The following KIF5A variants were observed in gnomAD, a reference collection of about 807,000 sequenced individuals.
KIF5A encodes kinesin heavy chain isoform 5A.
KIF5A carries 35 observed loss-of-function variants against 141.3 expected under a neutral mutation model. The ratio of observed to expected loss-of-function variants is 0.25; its 90% confidence interval spans 0.19 to 0.33. The LOEUF (loss-of-function observed/expected upper bound fraction) is 0.33, where lower values mean the gene tolerates loss of function less well. Ranked by LOEUF, KIF5A falls within the 10% of genes least tolerant of loss-of-function variation. KIF5A has a pLI of 1.00. For synonymous variants in KIF5A, 448 were observed against 500.2 expected, an observed-to-expected ratio of 0.90 and a Z score of 1.39; for missense variants, 861 against 1,314.3, an observed-to-expected ratio of 0.66 and a Z score of 5.33.
chr12:57,568,683 C>T (rs558970993), intron 8 of KIF5A, among the ~76,000 whole-genome samples: 45 of 151,926 alleles, frequency 3.0e-4, no homozygotes, highest in Non-Finnish European at 5.6e-4. Context: ...TGAGATCGCA[C>T]CATTGCACTC....
intron 23 of KIF5A, 100 bp from the exon 24 acceptor site, chr12:57,580,856 T>C: frequency 9.2e-7 from 1 of 1,086,582 alleles, no homozygotes; most frequent in Non-Finnish European, 1.4e-6. Context: ...CTGATTTTTC[T>C]TTATTCTCTC....
rs752522963 is a variant in KIF5A, at chr12:57,570,010, C to T, written c.1141C>T (p.Arg381Cys). ...AGGAGAGAATGTGCCTGAGACAGAG[C>T]GCCTGGCTGGGGAGGAGGCAGCCCT... ...RNGENVPETE[R>C]LAGEEAALGA... The change falls in exon 12 of 29, where the codon CGC becomes TGC. Residue 381 changes from arginine to cysteine, a missense_variant. By Grantham distance (180) the Arg-to-Cys change is radical. Transcript: ENST00000455537. 9.9e-6 allele frequency: 16 copies of T among 1,613,428 alleles called. No homozygotes were observed. The highest frequency in any genetic ancestry group is 2.2e-5 in the South Asian group (2 of 91,058).
intron 23 of KIF5A, among the ~76,000 whole-genome samples, chr12:57,578,601 G>A (rs904066642): frequency 1.1e-4 from 17 of 152,182 alleles, no homozygotes; most frequent in African/African-American, 4.1e-4. Context: ...ACCTTGGAGG[G>A]AGAGGTTGAA....
At chr12:57,555,106 C>T (rs924551022) in intron 1 of KIF5A, among the ~76,000 whole-genome samples, 6 of 152,126 alleles carry the variant, frequency 3.9e-5, no homozygotes, top group Non-Finnish European at 7.4e-5. Flanking sequence ...GAGTGGCCTG[C>T]GCAGAGGCAG....
intron 4 of KIF5A, 69 bp downstream of exon 4, chr12:57,564,281 G>GA: frequency 8.1e-7 from 1 of 1,232,166 alleles, no homozygotes; most frequent in Non-Finnish European, 1.2e-6. Context: ...TCTTCCCACT[G>GA]AAGAGCCTGG....
chr12:57,582,620 A>T lies in KIF5A; in HGVS notation c.3011A>T (p.Asn1004Ile). The T allele has an allele frequency of 6.2e-7, 1 of 1,611,214 alleles. No individual in the cohort carries two copies. The highest frequency in any genetic ancestry group is 8.5e-7 in the Non-Finnish European group (1 of 1,177,350). Residue 1004 changes from asparagine to isoleucine, a missense_variant, in exon 27 of 29, where the codon AAT becomes ATT. Asn to Ile is a moderately radical substitution (Grantham distance 149, BLOSUM62 -3). Coordinates refer to ENST00000455537, the MANE Select transcript of KIF5A (RefSeq NM_004984.4). ...TCTTCAGGAAATGCCACAGATATCAATGACAATAGGTACAACAGTCCCCAC... is the reference window on the plus strand; with the variant it reads ...TCTTCAGGAAATGCCACAGATATCATTGACAATAGGTACAACAGTCCCCAC... Reference protein sequence around the residue: ...NMDNGNATDINDNRSDLPCGY... With the variant: ...NMDNGNATDIIDNRSDLPCGY...
rs570017230 is a variant in KIF5A at position 57,569,887 on chromosome 12, C to A, written c.1118-100C>A. 21 of 1,453,284 alleles carry A rather than the reference C, an allele frequency of 1.4e-5. No homozygotes were observed. The East Asian group carries it at 5.0e-4, about 35-fold the overall frequency. 90.0% of individuals were successfully genotyped at this position (1,453,284 alleles called of 1,614,324 possible). On this transcript the variant is annotated intron_variant, in intron 11 of 28. Transcript: ENST00000455537. ...ATACTCCCAAAAGGTAGAGGGTCCA[C>A]CTGGCAAGAGAGTTCAAGGGGCATG... is the stretch of plus-strand genomic sequence containing the variant.
In KIF5A at chr12:57,583,126, G is replaced by T. The variant is rs1048929484; in HGVS notation, c.3046G>T (p.Ala1016Ser). 2.0e-5 allele frequency: 32 copies of T among 1,614,002 alleles called. No individual in the cohort carries two copies. The highest frequency in any genetic ancestry group is 2.6e-5 in the Non-Finnish European group (31 of 1,180,004). The change falls in exon 28 of 29, where the codon GCT becomes TCT. Residue 1016 changes from alanine (A) to serine (S), a missense_variant. Transcript: ENST00000455537. Reference sequence around the variant, plus strand: ...GAGTGACCTGCCGTGTGGCTATGAGGCTGAGGACCAGGCCAAGCTTTTCCC... The same window carrying T: ...GAGTGACCTGCCGTGTGGCTATGAGTCTGAGGACCAGGCCAAGCTTTTCCC... ...NRSDLPCGYE[A>S]EDQAKLFPLH...
rs2140150216 is a variant in KIF5A, at chr12:57,550,384, A to G, written c.113A>G (p.Asp38Gly). Residue 38 changes from aspartate (D) to glycine (G), a missense_variant, in exon 1 of 29, where the codon GAC becomes GGC. By Grantham distance (94) the Asp-to-Gly change is moderately conservative. Around this residue, in one of 5 missense-constraint regions of KIF5A, gnomAD observed 59 missense variants for 81.1 expected, o/e 0.73. Transcript: ENST00000455537. This position sits in a 1 kb window ranked among gnomAD's most constrained non-coding sequence, Gnocchi z 4.6. ...TTCATCCCCATTTTCCAAGGGGACGACAGCGTCGTTATTGGGGTGAGTGTC... is the reference window on the plus strand; with the variant it reads ...TTCATCCCCATTTTCCAAGGGGACGGCAGCGTCGTTATTGGGGTGAGTGTC... ...DKFIPIFQGD[D>G]SVVIGGKPYV... is the part of the protein sequence containing the mutation. 6.2e-7 allele frequency: 1 copy of G among 1,614,170 alleles called. No individual in the cohort carries two copies. Among genetic ancestry groups the G allele is most frequent in the Non-Finnish European group, 8.5e-7 (1 of 1,180,014 alleles).
At chr12:57,554,137 A>T (rs200962037) in intron 1 of KIF5A, among the ~76,000 whole-genome samples, 1 of 76,740 alleles carries the variant, frequency 1.3e-5, no homozygotes, top group Admixed American at 1.5e-4. Context: ...TAAGGCTCTG[A>T]CACAGTGTTG....
chr12:57,551,210 A>G (rs978975525), intron 1 of KIF5A, among the ~76,000 whole-genome samples: 1 of 152,132 alleles, frequency 6.6e-6, no homozygotes, highest in South Asian at 2.1e-4. Flanking sequence ...CCCAAGGAGG[A>G]TATCTTAAGG....
intron 16 of KIF5A, 122 bp downstream of exon 16, chr12:57,575,394 G>A: frequency 1.6e-6 from 2 of 1,219,666 alleles, no homozygotes; most frequent in South Asian, 1.3e-5. Context: ...TGAAATCAAG[G>A]ACAGAAAAGC....
At chr12:57,570,244 C>T in intron 12 of KIF5A, 82 bp downstream of exon 12, 1 of 1,294,616 alleles carries the variant, frequency 7.7e-7, no homozygotes, top group Admixed American at 1.9e-5. Flanking sequence ...TATATTGCCT[C>T]TTTCTGGTTT....
chr12:57,552,291 G>C (rs1365165166), intron 1 of KIF5A, among the ~76,000 whole-genome samples: 1 of 152,166 alleles, frequency 6.6e-6, no homozygotes, highest in African/African-American at 2.4e-5. Context: ...GGTAAGAGGG[G>C]TGTGGTGTCG....
At position 57,576,139 on chromosome 12, in the gene KIF5A, A is replaced by T; in HGVS notation, c.2076A>T (p.Ala692=). 1 of 1,614,160 alleles carries T rather than the reference A, an allele frequency of 6.2e-7. No homozygotes were observed. The highest frequency in any genetic ancestry group is 8.5e-7 in the Non-Finnish European group (1 of 1,179,996). Residue 692 remains alanine (A), a synonymous_variant, in exon 18 of 29, where the codon GCA becomes GCT. Coordinates refer to ENST00000455537, the MANE Select transcript of KIF5A (RefSeq NM_004984.4). ...ACAAGGAGCCTGACACTCAGGATGCAGATGAAGTGAAGGTGAGTAAGGAAG... is the reference window on the plus strand; with the variant it reads ...ACAAGGAGCCTGACACTCAGGATGCTGATGAAGTGAAGGTGAGTAAGGAAG... The part of the protein sequence containing the change: ...LKDKEPDTQD[A]DEVKKALELQ...
chr12:57,566,818 G>A (rs917988227), intron 6 of KIF5A, among the ~76,000 whole-genome samples: 6 of 151,922 alleles, frequency 3.9e-5, no homozygotes, highest in Non-Finnish European at 5.9e-5. Flanking sequence ...AAGGCAGGCG[G>A]ATCACGAGGT....
intron 23 of KIF5A, among the ~76,000 whole-genome samples, chr12:57,580,038 A>G (rs150149137): frequency 2.0e-5 from 3 of 152,366 alleles, no homozygotes; most frequent in Non-Finnish European, 4.4e-5. Context: ...CTATAGCCCT[A>G]TATCAATTAA....
intron 3 of KIF5A, 25 bp from the exon 4 acceptor site, chr12:57,564,083 A>G: frequency 6.5e-7 from 1 of 1,547,538 alleles, no homozygotes; most frequent in Non-Finnish European, 8.9e-7. Flanking sequence ...CCCCAGCTTC[A>G]CTCTCAAATA....
chr12:57,583,272 G>A, intron 28 of KIF5A, 57 bp downstream of exon 28: 1 of 999,964 alleles, frequency 1.0e-6, no homozygotes, highest in Non-Finnish European at 1.5e-6. Flanking sequence ...CTTGCTGACA[G>A]CCTCTTTGGT....
Sources: allele counts gnomAD v4.1 joint callset (sites outside exome capture counted in the v4.1 genomes callset), GRCh38; gene constraint gnomAD v4.1.1; regional missense constraint gnomAD v4.1.1; non-coding constraint Gnocchi (gnomAD v3.1); transcripts MANE v1.5; gene names NCBI Gene and HGNC (gene_info 2026-07-23, HGNC 2026-07-21).